ENOX1: variants seen among roughly 807,000 people sequenced by gnomAD.
The protein encoded by ENOX1 is candidate growth-related and time keeping constitutive hydroquinone (NADH) oxidase.
ENOX1 carries 42 observed loss-of-function variants against 82.5 expected under a neutral mutation model. That is an observed-to-expected ratio of 0.51 (90% CI 0.40 to 0.66). The LOEUF (loss-of-function observed/expected upper bound fraction) is 0.66. Among genes scored for constraint, ENOX1 ranks in the 30% least tolerant of loss-of-function variants. ENOX1 has a pLI of 0.00. For missense variants in ENOX1, 608 were observed against 811.6 expected, an observed-to-expected ratio of 0.75 and a Z score of 3.05; for synonymous variants, 271 against 282.2, an observed-to-expected ratio of 0.96 and a Z score of 0.40.
intron 2 of ENOX1, among the ~76,000 whole-genome samples, chr13:43,528,755 C>T (rs1296297290): frequency 1.3e-5 from 2 of 152,036 alleles, no homozygotes; most frequent in African/African-American, 2.4e-5. Context: ...TCTTGTGCTT[C>T]ACTGTATTAC....
At chr13:43,218,862 CA>C (rs1159456370) in intron 16 of ENOX1, among the ~76,000 whole-genome samples, 1 of 152,058 alleles carries the variant, frequency 6.6e-6, no homozygotes, top group East Asian at 1.9e-4. Context: ...TCCCTATGGC[CA>C]AAGAATTTTT....
intron 16 of ENOX1, among the ~76,000 whole-genome samples, chr13:43,214,666 G>C: frequency 6.6e-6 from 1 of 152,160 alleles, no homozygotes; most frequent in Non-Finnish European, 1.5e-5. Flanking sequence ...TACAAGTCTT[G>C]ATATCTAGTC....
At chr13:43,529,095 C>T (rs552054708) in intron 2 of ENOX1, among the ~76,000 whole-genome samples, 1 of 151,912 alleles carries the variant, frequency 6.6e-6, no homozygotes, top group Non-Finnish European at 1.5e-5. Flanking sequence ...TACAGTAGCC[C>T]CTCCATCCTT....
intron 11 of ENOX1, among the ~76,000 whole-genome samples, chr13:43,305,065 T>C (rs886098873): frequency 6.6e-6 from 1 of 152,148 alleles, no homozygotes; most frequent in Non-Finnish European, 1.5e-5. Context: ...TGTCAGAAGA[T>C]TAACAGAGGC....
intron 2 of ENOX1, among the ~76,000 whole-genome samples, chr13:43,632,210 A>G (rs1248850724): frequency 1.3e-5 from 2 of 151,944 alleles, no homozygotes; most frequent in African/African-American, 2.4e-5. Context: ...CCCACTTTTC[A>G]TTGCCATCTG....
chr13:43,390,612 A>G (rs1395341677), intron 5 of ENOX1, among the ~76,000 whole-genome samples: 3 of 152,046 alleles, frequency 2.0e-5, no homozygotes, highest in African/African-American at 7.2e-5. Context: ...ACTCTTTAGG[A>G]CTTTACTTTT....
intron 3 of ENOX1, among the ~76,000 whole-genome samples, chr13:43,454,916 G>C (rs896497904): frequency 2.0e-5 from 3 of 150,138 alleles, no homozygotes; most frequent in African/African-American, 7.4e-5. Context: ...GGAGCCTCCC[G>C]TCCAGCCCCT....
intron 3 of ENOX1, among the ~76,000 whole-genome samples, chr13:43,436,999 C>T (rs2056069073): frequency 6.6e-6 from 1 of 152,130 alleles, no homozygotes; most frequent in African/African-American, 2.4e-5. Flanking sequence ...TAAAGACAAA[C>T]ACCAGTGTGT....
chr13:43,401,077 A>AT (rs5803177), intron 5 of ENOX1, among the ~76,000 whole-genome samples: 43,613 of 151,986 alleles, frequency 0.29, 8,908 homozygotes, highest in African/African-American at 0.55. Context: ...GATGCAAGAT[A>AT]TTAGAGTATT....
chr13:43,539,567 T>G (rs989177080), intron 2 of ENOX1, among the ~76,000 whole-genome samples: 15 of 152,216 alleles, frequency 9.9e-5, no homozygotes, highest in African/African-American at 3.6e-4. Context: ...AAGTTTTCAA[T>G]CCTTTGAAAT....
At chr13:43,698,530 C>T (rs1196828087) in intron 1 of ENOX1, among the ~76,000 whole-genome samples, 1 of 151,986 alleles carries the variant, frequency 6.6e-6, no homozygotes, top group East Asian at 1.9e-4. Flanking sequence ...AACAATTAAA[C>T]CATATTATAG....
intron 5 of ENOX1, among the ~76,000 whole-genome samples, chr13:43,388,987 T>C (rs933093787): frequency 1.3e-5 from 2 of 152,298 alleles, no homozygotes; most frequent in Non-Finnish European, 2.9e-5. Context: ...CTTAAAGTTA[T>C]AGTTCTTGGG....
chr13:43,394,808 G>A (rs892413101), intron 5 of ENOX1: 2 of 151,746 alleles, frequency 1.3e-5, no homozygotes, highest in African/African-American at 4.9e-5. Flanking sequence ...CTTCCATGAG[G>A]AAAGTGGCTG....
chr13:43,342,922 G>T (rs1263140760), intron 9 of ENOX1, among the ~76,000 whole-genome samples: 1 of 152,176 alleles, frequency 6.6e-6, no homozygotes, highest in Non-Finnish European at 1.5e-5. Context: ...TTTAATAGGT[G>T]CCTCTTTCAA....
At chr13:43,689,258 T>A (rs1160481225) in intron 1 of ENOX1, among the ~76,000 whole-genome samples, 1 of 151,968 alleles carries the variant, frequency 6.6e-6, no homozygotes, top group Non-Finnish European at 1.5e-5. Flanking sequence ...CAAGAAGGCA[T>A]GAAAATGAAT....
At chr13:43,546,326 G>A (rs2078971804) in intron 2 of ENOX1, 1 of 152,272 alleles carries the variant, frequency 6.6e-6, no homozygotes, top group South Asian at 2.1e-4. Flanking sequence ...GAGCTGCCAA[G>A]CCCTATCAAG....
chr13:43,658,157 T>C (rs1222165824), intron 2 of ENOX1, among the ~76,000 whole-genome samples: 1 of 152,184 alleles, frequency 6.6e-6, no homozygotes, highest in Non-Finnish European at 1.5e-5. Context: ...GAAAGCAAGC[T>C]CAGGTTTTTC....
At chr13:43,680,976 T>A (rs299359) in intron 1 of ENOX1, among the ~76,000 whole-genome samples, 110,312 of 151,964 alleles carry the variant, frequency 0.73, 43,177 homozygotes, top group South Asian at 0.89. Context: ...CAGAGAAACA[T>A]GAAAGGAGAG....
At chr13:43,299,374 T>C (rs1055709985) in intron 11 of ENOX1, among the ~76,000 whole-genome samples, 10 of 151,952 alleles carry the variant, frequency 6.6e-5, no homozygotes, top group African/African-American at 1.9e-4. Context: ...TAGGGGTCTC[T>C]CCGAAAATCA....
Sources: gnomAD v4.1 joint callset for allele counts (sites outside exome capture counted in the v4.1 genomes callset) on GRCh38, gnomAD v4.1.1 for gene constraint, MANE v1.5 for transcripts, NCBI Gene and HGNC (gene_info 2026-07-23, HGNC 2026-07-21) for gene names.